Variants in HDAC9 observed in about 807,000 individuals in gnomAD.
The protein encoded by HDAC9 is histone deacetylase 9, also known as MEF-2 interacting transcription repressor (MITR) protein.
A neutral mutation model predicts 139.4 loss-of-function variants in HDAC9; 41 were observed. The ratio of observed to expected loss-of-function variants is 0.29; its 90% confidence interval spans 0.23 to 0.38. HDAC9 has a LOEUF of 0.38. Among genes scored for constraint, HDAC9 ranks in the 10% least tolerant of loss-of-function variants. HDAC9 has a pLI of 1.00. For missense variants in HDAC9, 1,147 were observed against 1,297.0 expected (o/e 0.88, Z 1.78); for synonymous variants, 517 against 476.2 (o/e 1.09, Z -1.12).
intron 6 of HDAC9, among the ~76,000 whole-genome samples, chr7:18,622,406 A>G (rs963572616): frequency 6.6e-6 from 1 of 152,068 alleles, no homozygotes; most frequent in Non-Finnish European, 1.5e-5. Flanking sequence ...TCACTGCAAC[A>G]TCTGCCTCCC....
intron 17 of HDAC9, among the ~76,000 whole-genome samples, chr7:18,806,987 G>A (rs1793763172): frequency 6.6e-6 from 1 of 152,114 alleles, no homozygotes; most frequent in Non-Finnish European, 1.5e-5. Context: ...AGTTAGAAAT[G>A]CTCCCTTCTT....
intron 2 of HDAC9, among the ~76,000 whole-genome samples, chr7:18,555,562 A>G (rs529926426): frequency 2.2e-4 from 33 of 152,266 alleles, no homozygotes; most frequent in African/African-American, 7.0e-4. Context: ...ACCTCATTTT[A>G]GTATACACAC....
intron 6 of HDAC9, among the ~76,000 whole-genome samples, chr7:18,615,799 G>T (rs1420909750): frequency 6.6e-6 from 1 of 152,090 alleles, no homozygotes; most frequent in African/African-American, 2.4e-5. Flanking sequence ...ACCAATCTTG[G>T]AATTCATTCA....
chr7:18,787,407 A>G (rs559235902), intron 16 of HDAC9, among the ~76,000 whole-genome samples: 88 of 152,330 alleles, frequency 5.8e-4, no homozygotes, highest in Non-Finnish European at 1.1e-3. Context: ...AGTGAGTTGA[A>G]CTTTGGGATG....
At chr7:18,489,647 A>T (rs1021535130) in intron 1 of HDAC9, among the ~76,000 whole-genome samples, 1 of 152,050 alleles carries the variant, frequency 6.6e-6, no homozygotes, top group Non-Finnish European at 1.5e-5. Flanking sequence ...TCTTGTATAC[A>T]TTTATATCTT....
chr7:18,839,263 G>A (rs907450158), intron 21 of HDAC9, among the ~76,000 whole-genome samples: 1 of 151,952 alleles, frequency 6.6e-6, no homozygotes, highest in Non-Finnish European at 1.5e-5. Flanking sequence ...TAATTCTTAA[G>A]TGCTTTATAT....
intron 2 of HDAC9, among the ~76,000 whole-genome samples, chr7:18,281,095 A>C (rs1270699421): frequency 6.6e-6 from 1 of 152,202 alleles, no homozygotes; most frequent in Non-Finnish European, 1.5e-5. Context: ...GACTTAGTGT[A>C]AGATGACACA....
chr7:18,789,661 C>T (rs1792134682), intron 16 of HDAC9, among the ~76,000 whole-genome samples: 1 of 152,116 alleles, frequency 6.6e-6, no homozygotes, highest in South Asian at 2.1e-4. Flanking sequence ...AGTTCCAAAC[C>T]CTTCTGATCT....
chr7:18,586,367 A>G (rs1483876630), intron 3 of HDAC9, among the ~76,000 whole-genome samples: 1 of 152,124 alleles, frequency 6.6e-6, no homozygotes, highest in African/African-American at 2.4e-5. Context: ...TGTGACAGAA[A>G]AGCAGCAAAG....
intron 2 of HDAC9, among the ~76,000 whole-genome samples, chr7:18,187,627 A>G (rs926891195): frequency 3.3e-5 from 5 of 151,642 alleles, no homozygotes; most frequent in African/African-American, 1.2e-4. Flanking sequence ...TGCACTTATT[A>G]CTCCTTGCTG....
intron 22 of HDAC9, among the ~76,000 whole-genome samples, chr7:18,920,748 T>A (rs1803632701): frequency 6.6e-6 from 1 of 152,160 alleles, no homozygotes; most frequent in African/African-American, 2.4e-5. Context: ...TCTATTGAGA[T>A]AATCATGTGG....
At chr7:18,478,571 T>A (rs1307353746) in intron 1 of HDAC9, among the ~76,000 whole-genome samples, 1 of 152,220 alleles carries the variant, frequency 6.6e-6, no homozygotes, top group Non-Finnish European at 1.5e-5. Context: ...AGAATACATT[T>A]AGTTTAAATT....
intron 2 of HDAC9, among the ~76,000 whole-genome samples, chr7:18,215,589 A>C (rs1792249965): frequency 6.6e-6 from 1 of 152,194 alleles, no homozygotes; most frequent in African/African-American, 2.4e-5. Flanking sequence ...GATCTGCAGA[A>C]GTGACTGTGT....
At chr7:18,197,582 A>G (rs1450759955) in intron 2 of HDAC9, among the ~76,000 whole-genome samples, 2 of 152,154 alleles carry the variant, frequency 1.3e-5, no homozygotes, top group South Asian at 4.1e-4. Context: ...GAGAGAGACA[A>G]GCATAGGCAA....
intron 1 of HDAC9, among the ~76,000 whole-genome samples, chr7:18,320,550 G>A (rs1585160179): frequency 2.0e-5 from 3 of 152,206 alleles, no homozygotes; most frequent in South Asian, 4.2e-4. Flanking sequence ...TGGCAAACTT[G>A]GGATTTACTC....
intron 24 of HDAC9, among the ~76,000 whole-genome samples, chr7:18,965,893 C>T (rs1482061396): frequency 1.3e-5 from 2 of 152,150 alleles, no homozygotes; most frequent in Non-Finnish European, 2.9e-5. Flanking sequence ...AGGGGCGGGA[C>T]ATGTGGATGA....
intron 2 of HDAC9, among the ~76,000 whole-genome samples, chr7:18,247,358 A>G (rs1794624854): frequency 6.6e-6 from 1 of 152,014 alleles, no homozygotes; most frequent in South Asian, 2.1e-4. Context: ...ACTATAAAAG[A>G]AAGAATTGAA....
At position 18,211,698 on chromosome 7, in the gene HDAC9, T is replaced by G. The variant is rs755249898; in HGVS notation, c.25+49349T>G. On this transcript the variant is annotated intron_variant, in intron 2 of 12. Transcript: ENST00000417496. ...GTGGTTATGTATGCAGCAAACACTT[T>G]TGAGTGCTGGTCATTTCCCTAAGCT... is the stretch of plus-strand genomic sequence containing the variant. 3.3e-5 allele frequency among the ~76,000 whole-genome samples: 5 copies of G among 152,280 alleles called. No homozygotes were observed. In the South Asian group the frequency reaches 1.0e-3, roughly 32 times the overall value.
At chr7:18,982,767 C>T (rs1413984641) in intron 25 of HDAC9, among the ~76,000 whole-genome samples, 9 of 152,170 alleles carry the variant, frequency 5.9e-5, no homozygotes, top group Non-Finnish European at 4.4e-5. Context: ...TATTTCACCT[C>T]ATTAAGCATG....
Sources: allele counts gnomAD v4.1 joint callset (sites outside exome capture counted in the v4.1 genomes callset), GRCh38; gene constraint gnomAD v4.1.1; transcripts MANE v1.5; gene names NCBI Gene and HGNC (gene_info 2026-07-23, HGNC 2026-07-21).